NCKAP5: variants seen among roughly 807,000 people sequenced by gnomAD.
The protein encoded by NCKAP5 is nck-associated protein 5.
In NCKAP5, 92 loss-of-function variants were observed where a neutral mutation model predicts 167.0. The ratio of observed to expected loss-of-function variants is 0.55; its 90% CI spans 0.47 to 0.66. The LOEUF (loss-of-function observed/expected upper bound fraction) is 0.66, where lower values mean the gene tolerates loss of function less well. Ranked by LOEUF, NCKAP5 falls within the 30% of genes least tolerant of loss-of-function variation. The pLI, the probability that NCKAP5 is intolerant of heterozygous loss-of-function variation, is 0.00. For missense variants in NCKAP5, 2,378 were observed against 2,315.0 expected, an observed-to-expected ratio of 1.03 and a Z score of -0.56; for synonymous variants, 891 against 877.4, an observed-to-expected ratio of 1.02 and a Z score of -0.27.
At chr2:133,354,492 C>A (rs1684577404) in intron 3 of NCKAP5, among the ~76,000 whole-genome samples, 1 of 152,078 alleles carries the variant, frequency 6.6e-6, no homozygotes, top group Non-Finnish European at 1.5e-5. Context: ...GGTTAAGGAA[C>A]AAAATCCCCA....
At chr2:133,385,170 A>G (rs188320460) in intron 3 of NCKAP5, among the ~76,000 whole-genome samples, 1 of 152,244 alleles carries the variant, frequency 6.6e-6, no homozygotes, top group East Asian at 1.9e-4. Context: ...TCAGTATGAT[A>G]TTGCCTGTGG....
At chr2:132,795,146 C>A (rs1323433198) in intron 12 of NCKAP5, among the ~76,000 whole-genome samples, 2 of 152,164 alleles carry the variant, frequency 1.3e-5, no homozygotes, top group East Asian at 3.8e-4. Context: ...GGTTTTAATA[C>A]CTTGCCCAAG....
intron 6 of NCKAP5, among the ~76,000 whole-genome samples, chr2:133,119,997 G>A (rs1032047927): frequency 3.3e-5 from 5 of 152,098 alleles, no homozygotes; most frequent in African/African-American, 1.2e-4. Flanking sequence ...CTGTAACCAT[G>A]GGGATATCAA....
At chr2:133,194,543 G>A (rs927327990) in intron 5 of NCKAP5, among the ~76,000 whole-genome samples, 2 of 151,940 alleles carry the variant, frequency 1.3e-5, no homozygotes, top group Non-Finnish European at 2.9e-5. Flanking sequence ...CTGATGTTAC[G>A]ATTTTTATTT....
At chr2:133,269,848 T>C (rs963225896) in intron 4 of NCKAP5, among the ~76,000 whole-genome samples, 3 of 152,176 alleles carry the variant, frequency 2.0e-5, no homozygotes, top group Non-Finnish European at 4.4e-5. Context: ...GACTGGGTGA[T>C]AGCAAGAAAG....
intron 3 of NCKAP5, among the ~76,000 whole-genome samples, chr2:133,381,774 G>C (rs1003892798): frequency 6.6e-6 from 1 of 152,166 alleles, no homozygotes; most frequent in Non-Finnish European, 1.5e-5. Context: ...ACCATAAACT[G>C]GATACAAATA....
At chr2:132,990,301 A>G (rs752898863) in intron 7 of NCKAP5, among the ~76,000 whole-genome samples, 10 of 152,148 alleles carry the variant, frequency 6.6e-5, no homozygotes, top group Admixed American at 3.9e-4. Flanking sequence ...AATATATATG[A>G]TTATCTACCT....
At chr2:133,022,640 A>G (rs2078565991) in intron 6 of NCKAP5, among the ~76,000 whole-genome samples, 1 of 152,116 alleles carries the variant, frequency 6.6e-6, no homozygotes, top group Non-Finnish European at 1.5e-5. Context: ...CTTTTCCAGA[A>G]TCAATTACTC....
intron 6 of NCKAP5, among the ~76,000 whole-genome samples, chr2:133,077,177 C>T (rs1424876714): frequency 1.3e-5 from 2 of 152,192 alleles, no homozygotes; most frequent in East Asian, 1.9e-4. Flanking sequence ...GTTTGTAATA[C>T]TTCTGTGAAA....
chr2:133,038,326 A>G (rs1331429993), intron 6 of NCKAP5, among the ~76,000 whole-genome samples: 2 of 152,234 alleles, frequency 1.3e-5, no homozygotes, highest in Non-Finnish European at 2.9e-5. Flanking sequence ...AACAACGTGT[A>G]TGGAACTGGA....
chr2:133,270,959 G>T (rs191281896), intron 4 of NCKAP5, among the ~76,000 whole-genome samples: 1 of 137,586 alleles, frequency 7.3e-6, no homozygotes, highest in Non-Finnish European at 1.5e-5. Context: ...TCACTCTGTC[G>T]CCCAGGCTGG....
intron 6 of NCKAP5, among the ~76,000 whole-genome samples, chr2:133,061,074 AAC>A (rs2079982201): frequency 1.6e-5 from 2 of 122,212 alleles, no homozygotes. Context: ...TTAAAAAAAA[AAC>A]AAAACAACAA....
intron 8 of NCKAP5, among the ~76,000 whole-genome samples, chr2:132,914,984 T>C (rs917998133): frequency 7.6e-6 from 1 of 131,526 alleles, no homozygotes; most frequent in African/African-American, 3.6e-5. Context: ...CAAGTAAAGC[T>C]ATGGCCAAAA....
intron 6 of NCKAP5, among the ~76,000 whole-genome samples, chr2:133,091,040 T>C (rs1327543087): frequency 6.6e-6 from 1 of 152,058 alleles, no homozygotes; most frequent in Admixed American, 6.5e-5. Flanking sequence ...ATCTGGTTAT[T>C]TAAAGGTGTG....
rs79638211 is a variant in NCKAP5, at chr2:133,258,679, G to A, written c.143+44358C>T. On this transcript the variant is annotated intron_variant, in intron 4 of 19. Coordinates refer to ENST00000409261, the MANE Select transcript of NCKAP5 (RefSeq NM_207363.3). ...AGGAATACTTGAGCCCAGGGAGGTT[G>A]AGGTTGCAGTGAGCCGAGATTGTGC... Among the ~76,000 whole-genome samples, 10 of 151,978 alleles carry A rather than the reference G, an allele frequency of 6.6e-5. No homozygotes were observed. In the East Asian group the frequency reaches 1.7e-3, roughly 27 times the overall value.
chr2:132,679,660 T>C (rs996227406), intron 19 of NCKAP5, among the ~76,000 whole-genome samples: 1 of 152,132 alleles, frequency 6.6e-6, no homozygotes, highest in Non-Finnish European at 1.5e-5. Context: ...ATGGCAGAGC[T>C]TCCATTTGGA....
intron 4 of NCKAP5, among the ~76,000 whole-genome samples, chr2:133,260,544 T>A (rs2088850421): frequency 6.6e-6 from 1 of 152,304 alleles, no homozygotes; most frequent in Admixed American, 6.5e-5. Flanking sequence ...CATGTCACAG[T>A]AATGCAGGCA....
At chr2:133,207,657 G>GACAACA (rs376287683) in intron 5 of NCKAP5, among the ~76,000 whole-genome samples, 3 of 151,784 alleles carry the variant, frequency 2.0e-5, no homozygotes, top group African/African-American at 7.2e-5. Flanking sequence ...AAACAACAAC[G>GACAACA]ACAACAACAA....
rs567206711 is a variant in NCKAP5 at position 133,071,308 on chromosome 2, A to G, written c.341+58670T>C. ...AAAATACAAAAAATTAGCCGGGCGT[A>G]GTGGCGGGCGCCTGTAGTCCCAGCT... On this transcript the variant is annotated intron_variant, in intron 6 of 19. Transcript: ENST00000409261. Among the ~76,000 whole-genome samples, 316 of 151,796 alleles carry G rather than the reference A, an allele frequency of 2.1e-3. 1 individual carries two copies. Among genetic ancestry groups the G allele is most frequent in the African/African-American group, 7.0e-3 (291 of 41,518 alleles).
Sources: allele counts gnomAD v4.1 joint callset (sites outside exome capture counted in the v4.1 genomes callset), GRCh38; gene constraint gnomAD v4.1.1; transcripts MANE v1.5; gene names NCBI Gene and HGNC (gene_info 2026-07-23, HGNC 2026-07-21).